CTNNA2: variants seen among roughly 807,000 people sequenced by gnomAD.
CTNNA2 encodes catenin alpha 2.
Under a neutral mutation model 101.0 loss-of-function variants are expected in CTNNA2, and 42 were observed. The observed-to-expected ratio is 0.42, with a 90% CI of 0.32 to 0.54. The LOEUF (loss-of-function observed/expected upper bound fraction) is 0.54, where lower values mean the gene tolerates loss of function less well. Among genes scored for constraint, CTNNA2 ranks in the 20% least tolerant of loss-of-function variants. The probability of loss-of-function intolerance (pLI) is 0.14; values close to 1 mark genes in which losing one functional copy is unlikely to be tolerated. For synonymous variants in CTNNA2, 450 were observed against 456.4 expected (o/e 0.99, Z 0.18); for missense variants, 871 against 1,223.1 (o/e 0.71, Z 4.29).
At chr2:80,645,289 T>C (rs1673951400) in intron 18 of CTNNA2, among the ~76,000 whole-genome samples, 1 of 152,180 alleles carries the variant, frequency 6.6e-6, no homozygotes, top group African/African-American at 2.4e-5. Flanking sequence ...AAACTGTGAC[T>C]TATCTGTTCC....
intron 2 of CTNNA2, among the ~76,000 whole-genome samples, chr2:79,700,052 C>A (rs1269279474): frequency 1.3e-5 from 2 of 151,416 alleles, no homozygotes; most frequent in Non-Finnish European, 2.9e-5. Context: ...TTTCTTGTTA[C>A]ATAGTAAGGA....
At chr2:79,188,109 A>G (rs1240748546) in intron 1 of CTNNA2, among the ~76,000 whole-genome samples, 1 of 152,182 alleles carries the variant, frequency 6.6e-6, no homozygotes, top group Non-Finnish European at 1.5e-5. Flanking sequence ...ATGTAATTTT[A>G]TGGATATATG....
intron 9 of CTNNA2, among the ~76,000 whole-genome samples, chr2:80,422,240 C>G (rs1680590415): frequency 6.6e-6 from 1 of 152,074 alleles, no homozygotes; most frequent in African/African-American, 2.4e-5. Context: ...AGGGGAAGTC[C>G]CCTTTATAAA....
At chr2:79,909,541 G>A (rs1685646762) in intron 6 of CTNNA2, 53 bp from the exon 7 acceptor site, 3 of 1,478,852 alleles carry the variant, frequency 2.0e-6, no homozygotes, top group Non-Finnish European at 2.8e-6. Context: ...AGGGTGCCAA[G>A]GCAGACCTCT....
chr2:80,287,711 C>T (rs1204484502), intron 7 of CTNNA2, among the ~76,000 whole-genome samples: 2 of 152,046 alleles, frequency 1.3e-5, no homozygotes, highest in Non-Finnish European at 2.9e-5. Flanking sequence ...AGCTGTTGTT[C>T]GGTAGAACTG....
At position 79,338,589 on chromosome 2, in the gene CTNNA2, C is replaced by T. The variant is rs1450023786; in HGVS notation, c.-318+25793C>T. Reference sequence around the variant, plus strand: ...TCTTCCTCCTCATCATCTTCTTCTTCTTCTTCTTCTTCTTCTTCTTCTTCT... The same window carrying T: ...TCTTCCTCCTCATCATCTTCTTCTTTTTCTTCTTCTTCTTCTTCTTCTTCT... On this transcript the variant is annotated intron_variant, in intron 3 of 21. Transcript: ENST00000466387. Among the ~76,000 whole-genome samples the T allele has an allele frequency of 5.1e-5, 7 of 136,486 alleles. No homozygotes were observed. The East Asian group carries it at 6.3e-4, about 12-fold the overall frequency. 89.5% of individuals were successfully genotyped at this position (136,486 alleles called of 152,430 possible).
chr2:80,092,264 G>C (rs991800806), intron 7 of CTNNA2, among the ~76,000 whole-genome samples: 2 of 152,124 alleles, frequency 1.3e-5, no homozygotes, highest in Non-Finnish European at 2.9e-5. Context: ...TAGTTGTATA[G>C]CAAATATTTG....
In CTNNA2 at chr2:80,313,470, T is replaced by C. The variant is rs983122257; in HGVS notation, c.1057-79741T>C. 23 of 1,538,294 alleles carry C rather than the reference T, an allele frequency of 1.5e-5. No individual in the cohort carries two copies. In the African/African-American group the frequency reaches 3.2e-4, roughly 21 times the overall value. Reference sequence around the variant, plus strand: ...AGTAACAAACCAATATTATTCATGCTATGGCAGAGATGTAAACAAGAGCTG... The same window carrying C: ...AGTAACAAACCAATATTATTCATGCCATGGCAGAGATGTAAACAAGAGCTG... On this transcript the variant is annotated intron_variant, in intron 7 of 18. Transcript: ENST00000402739.
chr2:80,226,257 T>G (rs970409236), intron 7 of CTNNA2, among the ~76,000 whole-genome samples: 1 of 152,212 alleles, frequency 6.6e-6, no homozygotes, highest in Non-Finnish European at 1.5e-5. Flanking sequence ...CTATGTTCAA[T>G]TAGACGAATA....
chr2:79,589,444 T>C (rs1676703241), intron 1 of CTNNA2, among the ~76,000 whole-genome samples: 1 of 152,222 alleles, frequency 6.6e-6, no homozygotes, highest in African/African-American at 2.4e-5. Context: ...TAAAATGTTT[T>C]AAGTTGTCTC....
chr2:80,080,967 A>G (rs1699097122), intron 7 of CTNNA2, among the ~76,000 whole-genome samples: 1 of 150,322 alleles, frequency 6.7e-6, no homozygotes, highest in Non-Finnish European at 1.5e-5. Context: ...AAAAAAAAAA[A>G]AAAAAGAAAT....
At chr2:79,369,643 G>T (rs1379125609) in intron 3 of CTNNA2, among the ~76,000 whole-genome samples, 1 of 151,972 alleles carries the variant, frequency 6.6e-6, no homozygotes, top group Non-Finnish European at 1.5e-5. Context: ...CATAAATATC[G>T]CACACTCCTT....
chr2:79,848,099 CTT>C (rs1680383904), intron 3 of CTNNA2, among the ~76,000 whole-genome samples: 1 of 150,978 alleles, frequency 6.6e-6, no homozygotes, highest in African/African-American at 2.5e-5. Context: ...TATAGAGAGA[CTT>C]GACTTACTTA....
intron 6 of CTNNA2, among the ~76,000 whole-genome samples, chr2:79,890,136 T>G (rs1400769672): frequency 6.6e-6 from 1 of 152,196 alleles, no homozygotes; most frequent in African/African-American, 2.4e-5. Flanking sequence ...AATATGAGAT[T>G]TCTTCTGCTT....
At chr2:80,591,613 C>T (rs1250031391) in intron 15 of CTNNA2, among the ~76,000 whole-genome samples, 2 of 151,900 alleles carry the variant, frequency 1.3e-5, no homozygotes, top group African/African-American at 4.8e-5. Flanking sequence ...AGCTCCATAA[C>T]TCTAAACATT....
chr2:79,799,797 G>C (rs1676016397), intron 3 of CTNNA2, among the ~76,000 whole-genome samples: 1 of 152,072 alleles, frequency 6.6e-6, no homozygotes, highest in African/African-American at 2.4e-5. Context: ...ACAGGGTTAT[G>C]GTAGTGATCA....
chr2:80,559,891 T>TATATACACAC (rs1553387588), intron 12 of CTNNA2, among the ~76,000 whole-genome samples: 2 of 146,888 alleles, frequency 1.4e-5, no homozygotes, highest in African/African-American at 5.2e-5. Context: ...TATATATATA[T>TATATACACAC]ACACACACAT....
At chr2:79,230,355 A>G (rs185046072) in intron 2 of CTNNA2, among the ~76,000 whole-genome samples, 60 of 152,334 alleles carry the variant, frequency 3.9e-4, no homozygotes, top group African/African-American at 1.4e-3. Flanking sequence ...AAAAGGGCCA[A>G]GGTACAGCTT....
intron 9 of CTNNA2, among the ~76,000 whole-genome samples, chr2:80,478,244 G>A (rs547351183): frequency 2.5e-4 from 38 of 152,132 alleles, no homozygotes; most frequent in African/African-American, 8.9e-4. Context: ...GGGATTATTT[G>A]TTATTGGTTT....
Sources: gnomAD v4.1 joint callset for allele counts (sites outside exome capture counted in the v4.1 genomes callset) on GRCh38, gnomAD v4.1.1 for gene constraint, MANE v1.5 for transcripts, NCBI Gene and HGNC (gene_info 2026-07-23, HGNC 2026-07-21) for gene names.